ILRUN: variants seen among roughly 807,000 people sequenced by gnomAD.
The protein encoded by ILRUN is inflammation and lipid regulator with UBA-like and NBR1-like domains, also known as protein ILRUN.
ILRUN carries 3 observed loss-of-function variants against 33.8 expected under a neutral mutation model. That is an observed-to-expected ratio of 0.09 (90% CI 0.04 to 0.23). The LOEUF (loss-of-function observed/expected upper bound fraction) is 0.23. Ranked by LOEUF, ILRUN falls within the 10% of genes least tolerant of loss-of-function variation. The pLI, the probability that ILRUN is intolerant of heterozygous loss-of-function variation, is 1.00. For synonymous variants in ILRUN, 124 were observed against 138.9 expected (o/e 0.89, Z 0.75); for missense variants, 210 against 375.1 (o/e 0.56, Z 3.64).
intron 3 of ILRUN, among the ~76,000 whole-genome samples, chr6:34,622,878 A>C (rs1285121442): frequency 6.6e-6 from 1 of 152,248 alleles, no homozygotes; most frequent in African/African-American, 2.4e-5. Flanking sequence ...ATCAATGAAC[A>C]AAATGTAGTA....
chr6:34,612,181 A>G (rs999647878), intron 3 of ILRUN, among the ~76,000 whole-genome samples: 5 of 152,200 alleles, frequency 3.3e-5, no homozygotes, highest in African/African-American at 9.7e-5. Context: ...TGGGAAGCCA[A>G]TGTGAGCAGA....
At chr6:34,619,750 T>C (rs577942215) in intron 3 of ILRUN, among the ~76,000 whole-genome samples, 12 of 152,126 alleles carry the variant, frequency 7.9e-5, no homozygotes, top group Non-Finnish European at 1.8e-4. Context: ...TTTGGGAGGC[T>C]GAGGCGGGTG....
chr6:34,656,104 C>T (rs1217310065), intron 1 of ILRUN, among the ~76,000 whole-genome samples: 2 of 151,788 alleles, frequency 1.3e-5, no homozygotes, highest in African/African-American at 2.4e-5. Context: ...GGCACGGTGG[C>T]GGGCACCTGT....
intron 3 of ILRUN, among the ~76,000 whole-genome samples, chr6:34,623,170 C>T (rs1208301647): frequency 6.6e-6 from 1 of 152,064 alleles, no homozygotes; most frequent in Admixed American, 6.6e-5. Context: ...AGTGGTGATG[C>T]CTGTGAATAT....
At chr6:34,623,240 T>C (rs1762044921) in intron 3 of ILRUN, among the ~76,000 whole-genome samples, 1 of 152,240 alleles carries the variant, frequency 6.6e-6, no homozygotes, top group Non-Finnish European at 1.5e-5. Context: ...TGTGTTATTT[T>C]ACCACAATTA....
intron 1 of ILRUN, among the ~76,000 whole-genome samples, chr6:34,688,038 A>G (rs1009569991): frequency 2.0e-5 from 3 of 152,186 alleles, no homozygotes; most frequent in South Asian, 2.1e-4. Flanking sequence ...AATGTCTACC[A>G]ACGAATGAAC....
chr6:34,599,969 T>C (rs574115733), intron 4 of ILRUN, among the ~76,000 whole-genome samples: 2 of 152,338 alleles, frequency 1.3e-5, no homozygotes, highest in African/African-American at 4.8e-5. Flanking sequence ...AGCTACACAA[T>C]ATAGATCCGG....
chr6:34,680,285 G>A (rs1465390709), intron 1 of ILRUN, among the ~76,000 whole-genome samples: 1 of 151,978 alleles, frequency 6.6e-6, no homozygotes, highest in African/African-American at 2.4e-5. Flanking sequence ...TATAGTAAAT[G>A]CCCCACTTTT....
chr6:34,647,393 C>A (rs527352608), intron 2 of ILRUN, among the ~76,000 whole-genome samples: 11 of 152,126 alleles, frequency 7.2e-5, no homozygotes, highest in African/African-American at 2.7e-4. Context: ...AAAGTTTAGA[C>A]CTTGGGTGGT....
rs923453094 is a variant in ILRUN at position 34,592,514 on chromosome 6, A to AG, written c.862-1915dup. ...CAGATTCCATTTTGCAAGTCCTGGT[A>AG]GGGGGGGTCCCATACATCAGAGGTA... On this transcript the variant is annotated intron_variant, in intron 4 of 4. Transcript: ENST00000374023. This position sits in a 1 kb window ranked among gnomAD's most constrained non-coding sequence, Gnocchi z 4.0. 1.5e-4 allele frequency among the ~76,000 whole-genome samples: 22 copies of AG among 150,308 alleles called. No homozygotes were observed. The highest frequency in any genetic ancestry group is 5.5e-4 in the African/African-American group (22 of 39,802).
At chr6:34,641,310 T>C (rs1292820251) in intron 3 of ILRUN, among the ~76,000 whole-genome samples, 1 of 152,212 alleles carries the variant, frequency 6.6e-6, no homozygotes, top group Non-Finnish European at 1.5e-5. Flanking sequence ...TATGGAAGTT[T>C]ATTTTTTTCC....
At chr6:34,671,250 G>A (rs1470731481) in intron 1 of ILRUN, among the ~76,000 whole-genome samples, 1 of 152,174 alleles carries the variant, frequency 6.6e-6, no homozygotes, top group Admixed American at 6.5e-5. Flanking sequence ...GCCAGGTGTG[G>A]TGGCATGCGC....
intron 3 of ILRUN, among the ~76,000 whole-genome samples, chr6:34,625,093 T>C (rs936832312): frequency 1.3e-5 from 2 of 152,198 alleles, no homozygotes; most frequent in African/African-American, 4.8e-5. Context: ...CACTAGCTCT[T>C]TAGTCATCAA....
chr6:34,673,698 G>A (rs973071987), intron 1 of ILRUN, among the ~76,000 whole-genome samples: 2 of 152,136 alleles, frequency 1.3e-5, no homozygotes, highest in African/African-American at 4.8e-5. Flanking sequence ...GAGTGTGGTG[G>A]CACATGCCTG....
intron 4 of ILRUN, among the ~76,000 whole-genome samples, chr6:34,594,206 T>TA (rs906150935): frequency 9.9e-5 from 15 of 152,132 alleles, no homozygotes; most frequent in African/African-American, 2.7e-4. Context: ...CTTGTACCAC[T>TA]ACTAATAAGG....
intron 1 of ILRUN, among the ~76,000 whole-genome samples, chr6:34,680,609 C>G (rs886073243): frequency 2.0e-5 from 3 of 152,004 alleles, no homozygotes; most frequent in African/African-American, 7.2e-5. Context: ...GGATTACAGG[C>G]ACCTGGCTAA....
intron 1 of ILRUN, among the ~76,000 whole-genome samples, chr6:34,664,094 T>C (rs1762949432): frequency 6.6e-6 from 1 of 152,002 alleles, no homozygotes; most frequent in African/African-American, 2.4e-5. Flanking sequence ...AGGAACAGAG[T>C]GTTGATGACG....
chr6:34,667,078 G>T (rs7765969), intron 1 of ILRUN, among the ~76,000 whole-genome samples: 25,513 of 151,794 alleles, frequency 0.17, 2,945 homozygotes, highest in African/African-American at 0.32. Flanking sequence ...CAAAGAAAAA[G>T]ATACTAAAAA....
At chr6:34,653,957 C>T (rs1170266525) in intron 2 of ILRUN, among the ~76,000 whole-genome samples, 4 of 123,654 alleles carry the variant, frequency 3.2e-5, no homozygotes, top group South Asian at 2.5e-4. Flanking sequence ...GGCAACAGAG[C>T]GAGATGCTGT....
Sources: allele counts gnomAD v4.1 joint callset (sites outside exome capture counted in the v4.1 genomes callset), GRCh38; gene constraint gnomAD v4.1.1; non-coding constraint Gnocchi (gnomAD v3.1); transcripts MANE v1.5; gene names NCBI Gene and HGNC (gene_info 2026-07-23, HGNC 2026-07-21).